Variants in WWC2 observed in about 807,000 individuals in gnomAD.
WWC2 encodes WW and C2 domain containing 2, also known as protein WWC2.
In WWC2, 101 loss-of-function variants were observed where a neutral mutation model predicts 138.5. The observed-to-expected ratio is 0.73, with a 90% CI of 0.62 to 0.86. The LOEUF is 0.86. Among genes scored for constraint, WWC2 ranks in the 40% least tolerant of loss-of-function variants. The pLI is 0.00. For missense variants in WWC2, 1,420 were observed against 1,419.4 expected (o/e 1.00, Z -0.01); for synonymous variants, 558 against 538.4 (o/e 1.04, Z -0.50).
intron 6 of WWC2, among the ~76,000 whole-genome samples, chr4:183,247,584 A>G (rs1243326750): frequency 7.1e-6 from 1 of 140,492 alleles, no homozygotes; most frequent in Non-Finnish European, 1.5e-5. Context: ...TATACTATAT[A>G]CTATATATAT....
intron 1 of WWC2, among the ~76,000 whole-genome samples, chr4:183,133,143 CTTTTTTTTCTTTT>C (rs1423483760): frequency 2.3e-5 from 2 of 86,942 alleles, no homozygotes; most frequent in South Asian, 3.4e-4. Context: ...TTCTTTCTTT[CTTTTTTTTCTTTT>C]TTTTTTTTTT....
Position 183,312,201 on chromosome 4 carries a change from G to A in WWC2, c.3385-140G>A, listed in dbSNP as rs1009820214. 7.3e-6 allele frequency: 8 copies of A among 1,103,380 alleles called. No homozygotes were observed. The African/African-American group carries it at 9.3e-5, about 13-fold the overall frequency. The allele number at this position is 1,103,380 out of a possible 1,614,324, so 68.3% of individuals were successfully genotyped here. A position where few individuals can be genotyped will look rare whatever the true frequency, so the allele number is the denominator to read the frequency against. ...ATGTGGGTGTTGGCTCCTGATGGGT[G>A]ATAAAAAGGACACCAGCCCACTGGC... On this transcript the variant is annotated intron_variant, in intron 21 of 22. Transcript: ENST00000403733.
At chr4:183,304,917 C>A (rs1296530260) in intron 21 of WWC2, among the ~76,000 whole-genome samples, 8 of 152,146 alleles carry the variant, frequency 5.3e-5, no homozygotes, top group Non-Finnish European at 1.2e-4. Flanking sequence ...AGCATCAGAA[C>A]CAGACTCACA....
chr4:183,315,429 G>A (rs1181921499), intron 22 of WWC2, among the ~76,000 whole-genome samples: 2 of 152,056 alleles, frequency 1.3e-5, no homozygotes, highest in South Asian at 2.1e-4. Flanking sequence ...GGGAACTTAC[G>A]GGCTTGGTCT....
At chr4:183,283,133 A>G (rs1054713994) in intron 18 of WWC2, among the ~76,000 whole-genome samples, 2 of 152,208 alleles carry the variant, frequency 1.3e-5, no homozygotes, top group Non-Finnish European at 1.5e-5. Flanking sequence ...AATATATAAG[A>G]AGAGAAATAG....
chr4:183,314,635 A>G (rs1184873900), intron 22 of WWC2, among the ~76,000 whole-genome samples: 1 of 152,214 alleles, frequency 6.6e-6, no homozygotes, highest in Non-Finnish European at 1.5e-5. Flanking sequence ...AGAAGTTAGA[A>G]ATCAACAGTT....
chr4:183,203,393 T>A (rs1333723339), intron 2 of WWC2: 1 of 152,040 alleles, frequency 6.6e-6, no homozygotes, highest in Non-Finnish European at 1.5e-5. Context: ...TTTGTTTTTT[T>A]CTTCTTCCTC....
intron 1 of WWC2, among the ~76,000 whole-genome samples, chr4:183,186,760 G>C (rs553766783): frequency 2.0e-5 from 3 of 152,076 alleles, no homozygotes; most frequent in Non-Finnish European, 4.4e-5. Flanking sequence ...AGACAACACA[G>C]TTGTGTTCAG....
At chr4:183,281,074 C>A in intron 17 of WWC2, 177 bp downstream of exon 17, 1 of 846,234 alleles carries the variant, frequency 1.2e-6, no homozygotes, top group Non-Finnish European at 1.7e-6. Context: ...GAAGTAATGG[C>A]AAGATTATGG....
At chr4:183,269,562 G>A in intron 15 of WWC2, 1 of 468,944 alleles carries the variant, frequency 2.1e-6, no homozygotes, top group Non-Finnish European at 4.4e-6. Flanking sequence ...TTATGAAATG[G>A]ATGATTATCC....
At chr4:183,275,307 C>A (rs9993693) in intron 16 of WWC2, among the ~76,000 whole-genome samples, 57,697 of 151,520 alleles carry the variant, frequency 0.38, 11,413 homozygotes, top group Admixed American at 0.48. Context: ...ATTTCTTTTT[C>A]TTGCCTATTT....
At chr4:183,166,151 C>T (rs971872250) in intron 1 of WWC2, among the ~76,000 whole-genome samples, 1 of 152,072 alleles carries the variant, frequency 6.6e-6, no homozygotes, top group East Asian at 1.9e-4. Flanking sequence ...TACTCCCTCC[C>T]CCAGATATAG....
intron 21 of WWC2, among the ~76,000 whole-genome samples, chr4:183,292,656 T>C (rs1170683862): frequency 1.3e-5 from 2 of 149,034 alleles, no homozygotes; most frequent in African/African-American, 2.5e-5. Flanking sequence ...ACAAAGAAAA[T>C]ATAAGTTCTG....
intron 1 of WWC2, among the ~76,000 whole-genome samples, chr4:183,151,985 A>G (rs1436940249): frequency 6.6e-6 from 1 of 152,166 alleles, no homozygotes; most frequent in African/African-American, 2.4e-5. Context: ...ATAAGCCTCC[A>G]TATACATTGG....
At chr4:183,259,612 T>A in intron 9 of WWC2, 27 bp from the exon 10 acceptor site, 1 of 1,442,546 alleles carries the variant, frequency 6.9e-7, no homozygotes, top group East Asian at 2.5e-5. Flanking sequence ...GTTATAATCA[T>A]TTGAAAATAA....
chr4:183,188,643 CTTTTT>C (rs11341026), intron 1 of WWC2, among the ~76,000 whole-genome samples: 4 of 79,752 alleles, frequency 5.0e-5, no homozygotes, highest in Non-Finnish European at 1.0e-4. Flanking sequence ...TTGCTCCTTT[CTTTTT>C]TTTTTTTTTT....
intron 22 of WWC2, among the ~76,000 whole-genome samples, chr4:183,315,163 C>T (rs1739395733): frequency 6.6e-6 from 1 of 152,266 alleles, no homozygotes; most frequent in African/African-American, 2.4e-5. Flanking sequence ...GGGACCAGGG[C>T]AGTTACTACC....
chr4:183,113,329 A>G (rs539449972), intron 1 of WWC2, among the ~76,000 whole-genome samples: 10 of 151,954 alleles, frequency 6.6e-5, no homozygotes, highest in Admixed American at 2.0e-4. Context: ...GGTTGGTGCA[A>G]AAGTAATTGC....
chr4:183,173,660 T>TG (rs1734360343), intron 1 of WWC2, among the ~76,000 whole-genome samples: 2 of 151,876 alleles, frequency 1.3e-5, no homozygotes, highest in East Asian at 2.0e-4. Flanking sequence ...GGATGATCGA[T>TG]GCTTGTGTTG....
Sources: allele counts gnomAD v4.1 joint callset (sites outside exome capture counted in the v4.1 genomes callset), GRCh38; gene constraint gnomAD v4.1.1; transcripts MANE v1.5; gene names NCBI Gene and HGNC (gene_info 2026-07-23, HGNC 2026-07-21).